The following GRM3 variants were observed in gnomAD, a reference collection of about 807,000 sequenced individuals.
The protein encoded by GRM3 is metabotropic glutamate receptor 3.
GRM3 carries 26 observed loss-of-function variants against 70.5 expected under a neutral mutation model. The ratio of observed to expected loss-of-function variants is 0.37; its 90% CI spans 0.27 to 0.51. The LOEUF (loss-of-function observed/expected upper bound fraction) is 0.51. Ranked by LOEUF, GRM3 falls within the 20% of genes least tolerant of loss-of-function variation. GRM3 has a pLI of 0.93. For missense variants in GRM3, 859 were observed against 1,123.8 expected (o/e 0.76, Z 3.37); for synonymous variants, 443 against 434.9 (o/e 1.02, Z -0.23).
chr7:86,777,282 T>C (rs1158159410), intron 2 of GRM3, among the ~76,000 whole-genome samples: 1 of 151,982 alleles, frequency 6.6e-6, no homozygotes, highest in Non-Finnish European at 1.5e-5. Flanking sequence ...ATGAAGAAAA[T>C]AAAAGTGTGT....
At chr7:86,798,961 A>T (rs1027234964) in intron 3 of GRM3, among the ~76,000 whole-genome samples, 1 of 151,048 alleles carries the variant, frequency 6.6e-6, no homozygotes, top group Non-Finnish European at 1.5e-5. Context: ...TGGAACTCTG[A>T]GTCTGTAAAC....
chr7:86,762,417 C>T (rs952953534), intron 1 of GRM3, among the ~76,000 whole-genome samples: 3 of 151,970 alleles, frequency 2.0e-5, no homozygotes, highest in Non-Finnish European at 1.5e-5. Flanking sequence ...GTGAAAGGAA[C>T]AGAAAGTAAG....
chr7:86,779,094 GT>G (rs1796973087), intron 2 of GRM3, among the ~76,000 whole-genome samples: 1 of 152,076 alleles, frequency 6.6e-6, no homozygotes, highest in South Asian at 2.1e-4. Flanking sequence ...AAATAAATTA[GT>G]ATTGAACTAA....
At chr7:86,833,823 CT>C (rs953831226) in intron 3 of GRM3, among the ~76,000 whole-genome samples, 3 of 151,616 alleles carry the variant, frequency 2.0e-5, no homozygotes, top group Non-Finnish European at 2.9e-5. Flanking sequence ...CTCAAAATGG[CT>C]TTTTTTTGTT....
chr7:86,745,612 G>A (rs188988113), intron 1 of GRM3, among the ~76,000 whole-genome samples: 16 of 152,216 alleles, frequency 1.1e-4, no homozygotes, highest in Middle Eastern at 3.4e-3. Context: ...CTCATGAAGA[G>A]CTTAGGAGAA....
chr7:86,803,679 T>C (rs1479140125), intron 3 of GRM3, among the ~76,000 whole-genome samples: 8 of 152,158 alleles, frequency 5.3e-5, no homozygotes, highest in African/African-American at 1.7e-4. Context: ...TGGCTAAGGA[T>C]TGAATTAACT....
chr7:86,824,697 G>T (rs1798195900), intron 3 of GRM3, among the ~76,000 whole-genome samples: 1 of 152,138 alleles, frequency 6.6e-6, no homozygotes, highest in East Asian at 1.9e-4. Flanking sequence ...CTATTTCAAG[G>T]ATGACTGTGG....
intron 1 of GRM3, among the ~76,000 whole-genome samples, chr7:86,655,820 C>CTGTGTGTGTGTG (rs371609030): frequency 6.9e-6 from 1 of 144,442 alleles, no homozygotes; most frequent in Non-Finnish European, 1.5e-5. Flanking sequence ...AAGGCTAACT[C>CTGTGTGTGTGTG]TGTGTGTGTG....
intron 1 of GRM3, among the ~76,000 whole-genome samples, chr7:86,681,456 A>G (rs1031848276): frequency 6.6e-6 from 1 of 152,190 alleles, no homozygotes; most frequent in Non-Finnish European, 1.5e-5. Flanking sequence ...AATAGAAAGA[A>G]TAAGACATTA....
intron 1 of GRM3, among the ~76,000 whole-genome samples, chr7:86,722,788 C>G (rs897533455): frequency 2.6e-5 from 4 of 151,970 alleles, no homozygotes; most frequent in Non-Finnish European, 2.9e-5. Flanking sequence ...AGAAAAATGA[C>G]TTATCTAGCA....
At position 86,810,170 on chromosome 7, in the gene GRM3, A is replaced by G. The variant is rs535945959; in HGVS notation, c.1324+23054A>G. 1.6e-4 allele frequency among the ~76,000 whole-genome samples: 24 copies of G among 152,126 alleles called. 1 individual carries two copies. The South Asian group carries it at 5.0e-3, about 32-fold the overall frequency. The stretch of plus-strand genomic sequence containing the variant: ...TAAATCGTCTTTATTCCTAAAGAAA[A>G]CCACATAAATTCTATCCCAGGATGG... On this transcript the variant is annotated intron_variant, in intron 3 of 5. Coordinates refer to ENST00000361669, the MANE Select transcript of GRM3 (RefSeq NM_000840.3).
chr7:86,646,199 T>C (rs1793468286), intron 1 of GRM3, among the ~76,000 whole-genome samples: 1 of 152,328 alleles, frequency 6.6e-6, no homozygotes, highest in East Asian at 1.9e-4. Flanking sequence ...GACACTCTAA[T>C]GAATAAATAT....
chr7:86,758,686 A>G (rs1796406447), intron 1 of GRM3, among the ~76,000 whole-genome samples: 2 of 152,230 alleles, frequency 1.3e-5, no homozygotes. Context: ...ACCAAAGTTT[A>G]GGACAATCTG....
intron 1 of GRM3, among the ~76,000 whole-genome samples, chr7:86,668,236 T>G (rs528787423): frequency 6.6e-6 from 1 of 151,898 alleles, no homozygotes; most frequent in Non-Finnish European, 1.5e-5. Context: ...CTTAGGATTC[T>G]TCTGGTTTCC....
intron 1 of GRM3, among the ~76,000 whole-genome samples, chr7:86,648,212 T>A (rs1206648042): frequency 2.0e-5 from 3 of 152,210 alleles, no homozygotes; most frequent in Admixed American, 1.3e-4. Context: ...CCTAATAATT[T>A]AATTTACTAA....
At chr7:86,785,684 G>GTT (rs1797213181) in intron 2 of GRM3, among the ~76,000 whole-genome samples, 1 of 72,132 alleles carries the variant, frequency 1.4e-5, no homozygotes, top group Admixed American at 1.8e-4. Flanking sequence ...AAATAGAATT[G>GTT]ATTTTTTTTT....
intron 1 of GRM3, among the ~76,000 whole-genome samples, chr7:86,726,941 A>T (rs528300067): frequency 6.6e-6 from 1 of 152,324 alleles, no homozygotes; most frequent in East Asian, 1.9e-4. Flanking sequence ...TGCAGCCAGG[A>T]TAGAGGCAGG....
intron 1 of GRM3, among the ~76,000 whole-genome samples, chr7:86,719,807 A>G (rs957648384): frequency 6.6e-6 from 1 of 151,984 alleles, no homozygotes; most frequent in African/African-American, 2.4e-5. Context: ...ATTCCATGAA[A>G]CCTTACAAGC....
rs1305294682 is a variant in GRM3 at position 86,846,807 on chromosome 7, C to T, written c.2392-3563C>T. 2.0e-5 allele frequency among the ~76,000 whole-genome samples: 3 copies of T among 152,178 alleles called. 1 individual carries two copies. The highest frequency in any genetic ancestry group is 2.0e-4 in the Admixed American group (3 of 15,272). ...AAATTCTGTTAATCAGCCCCTGAAA[C>T]GCTCATATTTTCTTTCTGAAAAAGC... On this transcript the variant is annotated intron_variant, in intron 4 of 5. Coordinates refer to ENST00000361669, the MANE Select transcript of GRM3 (RefSeq NM_000840.3).
Sources: allele counts gnomAD v4.1 joint callset (sites outside exome capture counted in the v4.1 genomes callset), GRCh38; gene constraint gnomAD v4.1.1; transcripts MANE v1.5; gene names NCBI Gene and HGNC (gene_info 2026-07-23, HGNC 2026-07-21).